C10orf90: variants seen among roughly 807,000 people sequenced by gnomAD.
C10orf90 encodes the protein (E2-independent) E3 ubiquitin-conjugating enzyme FATS.
C10orf90 carries 56 observed loss-of-function variants against 62.5 expected under a neutral mutation model. That is an observed-to-expected ratio of 0.90 (90% CI 0.72 to 1.12). The LOEUF is 1.12. Among genes scored for constraint, C10orf90 ranks in the 50% most tolerant of loss-of-function variants. C10orf90 has a pLI of 0.00. For synonymous variants in C10orf90, 386 were observed against 340.4 expected (o/e 1.13, Z -1.47); for missense variants, 970 against 880.4 (o/e 1.10, Z -1.29).
chr10:126,557,461 CAG>C (rs1199833770), intron 2 of C10orf90, among the ~76,000 whole-genome samples: 1 of 133,552 alleles, frequency 7.5e-6, no homozygotes, highest in African/African-American at 2.9e-5. Context: ...GCCTGGGCGA[CAG>C]AGCGAGACTC....
chr10:126,426,080 T>C lies in C10orf90; in HGVS notation c.2263A>G (p.Asn755Asp), dbSNP rs775944482. ...MHMRSKRIYDNLPEVKKKKEE... is the reference protein window; with the variant it reads ...MHMRSKRIYDDLPEVKKKKEE... ...TTTTTCTTTTTAACTTCCGGCAAGT[T>C]ATCATAGATTCTGAAACAGATTCGG... is the stretch of plus-strand genomic sequence containing the variant. The change falls in exon 9 of 10, where the codon AAC becomes GAC. Residue 755 changes from asparagine to aspartate, a missense_variant. Physicochemically the swap from Asn to Asp is conservative, Grantham distance 23 (BLOSUM62 1). Transcript: ENST00000488181. 9 of 1,613,522 alleles carry C rather than the reference T, an allele frequency of 5.6e-6. No homozygotes were observed. Among genetic ancestry groups the C allele is most frequent in the Non-Finnish European group, 7.6e-6 (9 of 1,179,530 alleles).
At chr10:126,461,608 C>T (rs775092150) in intron 5 of C10orf90, 23 bp from the exon 6 acceptor site, 5 of 1,604,210 alleles carry the variant, frequency 3.1e-6, no homozygotes, top group African/African-American at 2.7e-5. Context: ...ATTTAGAATC[C>T]CATTTAGAGG....
intron 2 of C10orf90, among the ~76,000 whole-genome samples, chr10:126,538,708 G>A (rs997872775): frequency 3.9e-5 from 6 of 152,102 alleles, no homozygotes; most frequent in African/African-American, 7.2e-5. Context: ...TAACTTGTTC[G>A]ACATCCCACA....
chr10:126,626,545 C>T (rs1403758837), intron 2 of C10orf90, among the ~76,000 whole-genome samples: 1 of 152,188 alleles, frequency 6.6e-6, no homozygotes. Flanking sequence ...TAAAACCTTA[C>T]CCTGGCTTGA....
chr10:126,526,929 AG>A (rs1863967820), intron 2 of C10orf90, among the ~76,000 whole-genome samples: 1 of 152,334 alleles, frequency 6.6e-6, no homozygotes, highest in South Asian at 2.1e-4. Context: ...ATAATATTCC[AG>A]GGCATAGGTA....
intron 2 of C10orf90, among the ~76,000 whole-genome samples, chr10:126,565,953 T>C (rs1844377857): frequency 6.6e-6 from 1 of 152,208 alleles, no homozygotes; most frequent in Non-Finnish European, 1.5e-5. Flanking sequence ...CGTCCCCTTA[T>C]CATTTCCATA....
At chr10:126,503,842 C>A in intron 4 of C10orf90, 115 bp downstream of exon 4, 3 of 1,281,894 alleles carry the variant, frequency 2.3e-6, no homozygotes, top group Non-Finnish European at 3.2e-6. Flanking sequence ...CAGATCACTG[C>A]AAGTCTACTG....
chr10:126,507,087 G>T (rs939996418), intron 3 of C10orf90, among the ~76,000 whole-genome samples: 2 of 152,200 alleles, frequency 1.3e-5, no homozygotes, highest in African/African-American at 2.4e-5. Context: ...GCTGGGTGCG[G>T]TGGCTCACGC....
rs1179410165 is a variant in C10orf90 at position 126,459,067 on chromosome 10, GCTT to G, written c.2158_2160del (p.Lys720del). 6.2e-7 allele frequency: 1 copy of G among 1,613,458 alleles called. No homozygotes were observed. The highest frequency in any genetic ancestry group is 8.5e-7 in the Non-Finnish European group (1 of 1,180,006). ...CTCAGAGGATGGGGAATCGTGAACTGCTTCTTGCTGGTGCGGATGGGAAGGAGG... is the reference window on the plus strand; with the variant it reads ...CTCAGAGGATGGGGAATCGTGAACTGCTTGCTGGTGCGGATGGGAAGGAGG... On this transcript the variant is annotated inframe_deletion, in exon 7 of 10. Coordinates refer to ENST00000488181, the MANE Select transcript of C10orf90 (RefSeq NM_001350921.2).
At chr10:126,551,550 A>G (rs1197313993) in intron 2 of C10orf90, among the ~76,000 whole-genome samples, 1 of 152,230 alleles carries the variant, frequency 6.6e-6, no homozygotes, top group Non-Finnish European at 1.5e-5. Flanking sequence ...TTGAGGCAGA[A>G]AAACTGAAGA....
At chr10:126,654,204 A>G (rs1369796836) in intron 1 of C10orf90, among the ~76,000 whole-genome samples, 1 of 152,176 alleles carries the variant, frequency 6.6e-6, no homozygotes, top group African/African-American at 2.4e-5. Flanking sequence ...TGTCCTGTGG[A>G]AGCCAGGCAT....
chr10:126,528,876 A>G (rs1048056286), intron 2 of C10orf90, among the ~76,000 whole-genome samples: 3 of 152,220 alleles, frequency 2.0e-5, no homozygotes, highest in Non-Finnish European at 2.9e-5. Flanking sequence ...GGCAGCAGTT[A>G]TCAACAAGAC....
intron 2 of C10orf90, among the ~76,000 whole-genome samples, chr10:126,518,523 G>A (rs1419554203): frequency 2.0e-5 from 3 of 151,840 alleles, no homozygotes; most frequent in African/African-American, 7.3e-5. Context: ...TTCACCAATG[G>A]TTTCAATTCA....
intron 2 of C10orf90, among the ~76,000 whole-genome samples, 178 bp downstream of exon 2, chr10:126,646,387 G>C (rs561692270): frequency 7.2e-5 from 11 of 152,192 alleles, no homozygotes; most frequent in Non-Finnish European, 1.3e-4. Context: ...CTGCCTGGCT[G>C]TTTAGAAATT....
chr10:126,456,603 T>C lies in C10orf90; in HGVS notation c.2188+2437A>G, dbSNP rs544109539. Among the ~76,000 whole-genome samples the C allele has an allele frequency of 3.9e-5, 6 of 152,358 alleles. No homozygotes were observed. The South Asian group carries it at 1.0e-3, about 26-fold the overall frequency. ...CCAACAAAAAGATATGTTTAAGTCC[T>C]AATCCCCCATAACTCTGAATGTGAC... On this transcript the variant is annotated intron_variant, in intron 7 of 9. Transcript: ENST00000488181. This position sits in a 1 kb window ranked among gnomAD's most constrained non-coding sequence, Gnocchi z 4.9.
At chr10:126,635,243 C>T (rs537484074) in intron 2 of C10orf90, among the ~76,000 whole-genome samples, 6 of 152,222 alleles carry the variant, frequency 3.9e-5, no homozygotes, top group African/African-American at 7.2e-5. Flanking sequence ...TATTTAATAC[C>T]GGAAAAGGAA....
chr10:126,554,152 T>G (rs905855021), intron 2 of C10orf90, among the ~76,000 whole-genome samples: 1 of 152,126 alleles, frequency 6.6e-6, no homozygotes, highest in Non-Finnish European at 1.5e-5. Flanking sequence ...GTGGAACAGA[T>G]AGTGACATAT....
chr10:126,498,036 GA>G (rs1461016203), intron 4 of C10orf90, among the ~76,000 whole-genome samples: 1 of 152,148 alleles, frequency 6.6e-6, no homozygotes, highest in Non-Finnish European at 1.5e-5. Context: ...CTAAAGATAA[GA>G]AAAGACCATC....
chr10:126,476,759 C>A, intron 4 of C10orf90, among the ~76,000 whole-genome samples: 1 of 152,182 alleles, frequency 6.6e-6, no homozygotes, highest in Non-Finnish European at 1.5e-5. Context: ...TATGGCTTTG[C>A]CCCTTGAGAC....
Sources: allele counts gnomAD v4.1 joint callset (sites outside exome capture counted in the v4.1 genomes callset), GRCh38; gene constraint gnomAD v4.1.1; non-coding constraint Gnocchi (gnomAD v3.1); transcripts MANE v1.5; gene names NCBI Gene and HGNC (gene_info 2026-07-23, HGNC 2026-07-21).